Variants in DACH2 observed in about 807,000 individuals in gnomAD.
DACH2 encodes dachshund homolog 2.
Under a neutral mutation model 35.8 loss-of-function variants are expected in DACH2, and 17 were observed. The observed-to-expected ratio is 0.48, with a 90% CI of 0.33 to 0.71. DACH2 has a LOEUF of 0.71. Among genes scored for constraint, DACH2 ranks in the 30% least tolerant of loss-of-function variants. The pLI is 0.02. For synonymous variants in DACH2, 195 were observed against 177.3 expected (o/e 1.10, Z -0.79); for missense variants, 469 against 472.7 (o/e 0.99, Z 0.07).
At chrX:86,671,782 T>C (rs549082181) in intron 4 of DACH2, among the ~76,000 whole-genome samples, 4 of 112,165 alleles carry the variant, frequency 3.6e-5, no homozygotes, top group African/African-American at 1.3e-4. Context: ...GGCATTGCTA[T>C]AAAGATACCT....
At chrX:86,571,369 C>A (rs2039365748) in intron 3 of DACH2, among the ~76,000 whole-genome samples, 1 of 110,209 alleles carries the variant, frequency 9.1e-6, no homozygotes, top group African/African-American at 3.3e-5. Context: ...CATATGTATA[C>A]ATGTGCCATG....
rs1004852250 is a variant in DACH2 at position 86,297,051 on chromosome X, A to G, written c.489-79773A>G. Among the ~76,000 whole-genome samples the G allele has an allele frequency of 9.3e-3, 875 of 93,726 alleles. 12 individuals carry two copies. Among genetic ancestry groups the G allele is most frequent in the Admixed American group, 0.057 (450 of 7,870 alleles). The allele number at this position is 93,726 out of a possible 115,157, so 81.4% of individuals were successfully genotyped here. The stretch of plus-strand genomic sequence containing the variant: ...TAAATAAATATAATTGTGTATATAT[A>G]TATATATATATATATATATAATTAG... On this transcript the variant is annotated intron_variant, in intron 1 of 11. Coordinates refer to ENST00000373125, the MANE Select transcript of DACH2 (RefSeq NM_053281.3).
intron 1 of DACH2, among the ~76,000 whole-genome samples, chrX:86,301,142 A>C (rs1420895002): frequency 1.8e-5 from 2 of 111,961 alleles, no homozygotes; most frequent in African/African-American, 6.5e-5. Flanking sequence ...AGCATATACA[A>C]AAATCCATTA....
At chrX:86,766,616 G>A (rs963943116) in intron 7 of DACH2, among the ~76,000 whole-genome samples, 1 of 111,997 alleles carries the variant, frequency 8.9e-6, no homozygotes, top group Non-Finnish European at 1.9e-5. Context: ...CCACATTTAT[G>A]TTTGATACAT....
chrX:86,416,878 C>A (rs186628311), intron 2 of DACH2, among the ~76,000 whole-genome samples: 1 of 109,841 alleles, frequency 9.1e-6, no homozygotes, highest in Non-Finnish European at 1.9e-5. Flanking sequence ...GTGGGTGGAT[C>A]ACCTGAGGTC....
At chrX:86,580,519 A>G (rs1351390833) in intron 3 of DACH2, among the ~76,000 whole-genome samples, 2 of 111,983 alleles carry the variant, frequency 1.8e-5, no homozygotes, top group South Asian at 3.7e-4. Context: ...ATGAAAGATG[A>G]CATGGCCGTT....
intron 1 of DACH2, among the ~76,000 whole-genome samples, chrX:86,342,314 C>T (rs979876855): frequency 7.2e-5 from 8 of 110,346 alleles, no homozygotes; most frequent in Non-Finnish European, 1.5e-4. Context: ...GATGGCGTAA[C>T]ACAGGGAGAC....
chrX:86,187,836 G>C (rs2031727099), intron 1 of DACH2, among the ~76,000 whole-genome samples: 1 of 111,647 alleles, frequency 9.0e-6, no homozygotes, highest in Non-Finnish European at 1.9e-5. Context: ...AAGAAAGGAG[G>C]AACCTCTAGG....
intron 3 of DACH2, among the ~76,000 whole-genome samples, chrX:86,527,657 A>G (rs1214376530): frequency 1.8e-5 from 2 of 112,237 alleles, no homozygotes; most frequent in Admixed American, 1.9e-4. Context: ...CACTGCTTTA[A>G]GGCTTTATGT....
chrX:86,322,670 G>T (rs1602402488), intron 1 of DACH2, among the ~76,000 whole-genome samples: 1 of 112,386 alleles, frequency 8.9e-6, no homozygotes, highest in South Asian at 3.7e-4. Context: ...TCTCAGGAGA[G>T]ATTATGTAAC....
intron 1 of DACH2, among the ~76,000 whole-genome samples, chrX:86,283,895 T>TACACAC (rs1214367028): frequency 1.2e-4 from 7 of 59,516 alleles, no homozygotes; most frequent in African/African-American, 4.1e-4. Context: ...CACACACACA[T>TACACAC]ACACACACAC....
chrX:86,363,396 T>C (rs2035764733), intron 1 of DACH2, among the ~76,000 whole-genome samples: 1 of 111,587 alleles, frequency 9.0e-6, no homozygotes, highest in African/African-American at 3.2e-5. Flanking sequence ...CAACTCCACA[T>C]CTTGCAAAAG....
chrX:86,584,204 G>A (rs5967745), intron 3 of DACH2, among the ~76,000 whole-genome samples: 18,462 of 110,244 alleles, frequency 0.17, 1,539 homozygotes, highest in African/African-American at 0.32. Context: ...CAGTTTGGGT[G>A]ACTTCTGGTG....
chrX:86,335,477 A>G (rs751214153), intron 1 of DACH2, among the ~76,000 whole-genome samples: 31 of 110,803 alleles, frequency 2.8e-4, no homozygotes, highest in Non-Finnish European at 5.7e-4. Flanking sequence ...CATCCCTTGG[A>G]AGTTGGATTC....
chrX:86,394,042 T>C (rs2036242777), intron 2 of DACH2, among the ~76,000 whole-genome samples: 1 of 108,998 alleles, frequency 9.2e-6, no homozygotes, highest in African/African-American at 3.3e-5. Flanking sequence ...CAGCTACCGC[T>C]CTCCCATGAA....
intron 5 of DACH2, among the ~76,000 whole-genome samples, 184 bp downstream of exon 5, chrX:86,695,363 G>T (rs1325891989): frequency 1.8e-5 from 2 of 109,487 alleles, no homozygotes; most frequent in African/African-American, 6.6e-5. Flanking sequence ...ATATTAAATG[G>T]TTAAATCTTA....
chrX:86,579,890 G>A (rs770820335), intron 3 of DACH2, among the ~76,000 whole-genome samples: 1 of 112,186 alleles, frequency 8.9e-6, no homozygotes, highest in Non-Finnish European at 1.9e-5. Context: ...GCAGCCTGCC[G>A]TGCTGCCATG....
intron 2 of DACH2, among the ~76,000 whole-genome samples, chrX:86,433,681 C>A (rs1015736): frequency 0.22 from 24,296 of 110,427 alleles, 5,073 homozygotes; most frequent in African/African-American, 0.66. Flanking sequence ...TAAGGAATAC[C>A]TGGTTGAATT....
intron 7 of DACH2, among the ~76,000 whole-genome samples, chrX:86,769,068 G>T (rs186021574): frequency 9.0e-6 from 1 of 110,551 alleles, no homozygotes; most frequent in Non-Finnish European, 1.9e-5. Flanking sequence ...CAAAAAAAAA[G>T]ATCATCTCAA....
Sources: allele counts gnomAD v4.1 joint callset (sites outside exome capture counted in the v4.1 genomes callset), GRCh38; gene constraint gnomAD v4.1.1; transcripts MANE v1.5; gene names NCBI Gene and HGNC (gene_info 2026-07-23, HGNC 2026-07-21).